TSGA10: variants seen among roughly 807,000 people sequenced by gnomAD.
TSGA10 encodes testis-specific gene 10 protein.
In TSGA10, 43 loss-of-function variants were observed where a neutral mutation model predicts 96.6. The ratio of observed to expected loss-of-function variants is 0.44; its 90% CI spans 0.35 to 0.57. TSGA10 has a LOEUF of 0.57. Among genes scored for constraint, TSGA10 ranks in the 20% least tolerant of loss-of-function variants. The probability of loss-of-function intolerance (pLI) is 0.01; values close to 1 mark genes in which losing one functional copy is unlikely to be tolerated. For missense variants in TSGA10, 703 were observed against 834.4 expected (o/e 0.84, Z 1.94); for synonymous variants, 229 against 269.9 (o/e 0.85, Z 1.48).
At chr2:99,135,515 A>T (rs1457777222) in intron 1 of TSGA10, among the ~76,000 whole-genome samples, 2 of 152,210 alleles carry the variant, frequency 1.3e-5, no homozygotes, top group African/African-American at 2.4e-5. Flanking sequence ...ATTTTTTTCA[A>T]TGTGAAGTCT....
rs573591491 is a variant in TSGA10 at position 99,150,168 on chromosome 2, G to A, written c.-621+4525C>T. Among the ~76,000 whole-genome samples the A allele has an allele frequency of 5.3e-5, 8 of 152,190 alleles. No individual in the cohort carries two copies. The South Asian group carries it at 1.0e-3, about 20-fold the overall frequency. ...CTAGCAGAGTACTTGGCCTTCAGTCGTTATTTCTTTAGCCCATTAGTAATG... is the reference window on the plus strand; with the variant it reads ...CTAGCAGAGTACTTGGCCTTCAGTCATTATTTCTTTAGCCCATTAGTAATG... On this transcript the variant is annotated intron_variant, in intron 1 of 20. Transcript: ENST00000393483.
intron 10 of TSGA10, among the ~76,000 whole-genome samples, chr2:99,081,990 T>C (rs1053682967): frequency 1.3e-5 from 2 of 152,196 alleles, no homozygotes; most frequent in Admixed American, 6.5e-5. Flanking sequence ...AATAAGACTC[T>C]CCCTTAGCTG....
intron 10 of TSGA10, among the ~76,000 whole-genome samples, chr2:99,085,546 C>A (rs1292906584): frequency 1.5e-5 from 2 of 136,594 alleles, no homozygotes; most frequent in Middle Eastern, 3.8e-3. Flanking sequence ...GAGGTCAAGG[C>A]TGCAGTGAGC....
intron 16 of TSGA10, among the ~76,000 whole-genome samples, chr2:99,056,424 AAAC>A (rs2083996988): frequency 6.6e-6 from 1 of 152,166 alleles, no homozygotes; most frequent in African/African-American, 2.4e-5. Context: ...AATACACTAT[AAAC>A]AACTGTATGC....
intron 10 of TSGA10, among the ~76,000 whole-genome samples, chr2:99,086,012 G>A (rs1160331552): frequency 6.6e-6 from 1 of 152,134 alleles, no homozygotes; most frequent in Non-Finnish European, 1.5e-5. Context: ...ATGGTCAATC[G>A]ATTTTCAATA....
intron 15 of TSGA10, 44 bp from the exon 16 acceptor site, chr2:99,065,168 T>C (rs1267695328): frequency 6.3e-6 from 10 of 1,576,184 alleles, no homozygotes; most frequent in Admixed American, 1.9e-5. Flanking sequence ...GCTGAACATA[T>C]GATAAAAATT....
At chr2:99,001,627 G>T (rs2077916361) in intron 20 of TSGA10, among the ~76,000 whole-genome samples, 1 of 152,170 alleles carries the variant, frequency 6.6e-6, no homozygotes, top group African/African-American at 2.4e-5. Context: ...ACTGGACAGA[G>T]AATGACTTTA....
intron 17 of TSGA10, among the ~76,000 whole-genome samples, chr2:99,025,441 T>A (rs1405293753): frequency 6.6e-6 from 1 of 152,190 alleles, no homozygotes; most frequent in Non-Finnish European, 1.5e-5. Flanking sequence ...CCTATGATAC[T>A]TTTTTTATAA....
chr2:99,126,078 T>C (rs2104985961), intron 2 of TSGA10: 1 of 152,440 alleles, frequency 6.6e-6, no homozygotes, highest in Non-Finnish European at 1.5e-5. Context: ...CTTAGCCTTC[T>C]CTGATATCAC....
rs2081221813 is a variant in TSGA10, at chr2:99,032,411, C to A, written c.1614+2819G>T. ...TCCCACTTAAATTACGGGTTCATTG[C>A]AACAGGTAGATTCACATTCTCCAAG... On this transcript the variant is annotated intron_variant, in intron 17 of 20. Transcript: ENST00000393483. 2.0e-5 allele frequency among the ~76,000 whole-genome samples: 3 copies of A among 152,290 alleles called. No homozygotes were observed. In the South Asian group the frequency reaches 6.2e-4, roughly 32 times the overall value.
At chr2:99,046,449 G>C (rs1223834713) in intron 16 of TSGA10, among the ~76,000 whole-genome samples, 15 of 152,166 alleles carry the variant, frequency 9.9e-5, no homozygotes, top group Admixed American at 8.5e-4. Context: ...CATGGAAACT[G>C]AACAACCTGC....
chr2:99,030,205 G>A lies in TSGA10; in HGVS notation c.1614+5025C>T, dbSNP rs145484851. Among the ~76,000 whole-genome samples the A allele has an allele frequency of 3.4e-3, 512 of 152,130 alleles. 3 individuals are homozygous for A. The highest frequency in any genetic ancestry group is 0.012 in the African/African-American group (494 of 41,492). Reference sequence around the variant, plus strand: ...CTACTAAATACACAAAAATTAGCTGGGTGTGTTGGCACATGCCTGTAATCC... The same window carrying A: ...CTACTAAATACACAAAAATTAGCTGAGTGTGTTGGCACATGCCTGTAATCC... On this transcript the variant is annotated intron_variant, in intron 17 of 20. Transcript: ENST00000393483.
chr2:99,082,103 C>G (rs1358971531), intron 10 of TSGA10, among the ~76,000 whole-genome samples: 1 of 152,206 alleles, frequency 6.6e-6, no homozygotes, highest in Admixed American at 6.5e-5. Flanking sequence ...AGCAGACCCT[C>G]AGCATTTCAA....
intron 12 of TSGA10, 141 bp from the exon 13 acceptor site, chr2:99,073,214 A>G (rs771730064): frequency 1.7e-6 from 1 of 576,588 alleles, no homozygotes. Context: ...TCTTTTCCAC[A>G]CTTTAAAGCC....
chr2:99,092,084 G>C (rs141053544), intron 10 of TSGA10, among the ~76,000 whole-genome samples: 1,829 of 152,102 alleles, frequency 0.012, 39 homozygotes, highest in African/African-American at 0.042. Flanking sequence ...ATCAAGTACT[G>C]TCTCTGACCA....
At chr2:99,002,944 C>T (rs1224618233) in intron 20 of TSGA10, among the ~76,000 whole-genome samples, 1 of 151,904 alleles carries the variant, frequency 6.6e-6, no homozygotes, top group East Asian at 1.9e-4. Flanking sequence ...ACTGCAACCT[C>T]CACCTCCCAG....
intron 13 of TSGA10, among the ~76,000 whole-genome samples, 175 bp downstream of exon 13, chr2:99,072,843 A>G (rs2086146301): frequency 6.6e-6 from 1 of 152,006 alleles, no homozygotes; most frequent in African/African-American, 2.4e-5. Flanking sequence ...CCCTTATTTT[A>G]CTTGGCAAAC....
intron 12 of TSGA10, among the ~76,000 whole-genome samples, chr2:99,078,121 A>C (rs980629733): frequency 4.0e-5 from 6 of 151,612 alleles, no homozygotes; most frequent in Admixed American, 3.3e-4. Flanking sequence ...AATACAAAAA[A>C]TTAGCCAGGC....
chr2:99,046,276 C>T (rs2082767923), intron 16 of TSGA10, among the ~76,000 whole-genome samples: 1 of 152,142 alleles, frequency 6.6e-6, no homozygotes, highest in Admixed American at 6.6e-5. Context: ...ATACATTCTT[C>T]TCAGCACCAC....
Sources: allele counts gnomAD v4.1 joint callset (sites outside exome capture counted in the v4.1 genomes callset), GRCh38; gene constraint gnomAD v4.1.1; transcripts MANE v1.5; gene names NCBI Gene and HGNC (gene_info 2026-07-23, HGNC 2026-07-21).